The following CSMD2 variants were observed in gnomAD, a reference collection of about 807,000 sequenced individuals.
CSMD2 encodes the protein CUB and sushi domain-containing protein 2.
A neutral mutation model predicts 398.5 loss-of-function variants in CSMD2; 130 were observed. The ratio of observed to expected loss-of-function variants is 0.33; its 90% CI spans 0.28 to 0.38. The LOEUF is 0.38. Ranked by LOEUF, CSMD2 falls within the 10% of genes least tolerant of loss-of-function variation. CSMD2 has a pLI of 1.00. For synonymous variants in CSMD2, 1,828 were observed against 1,908.5 expected (o/e 0.96, Z 1.10); for missense variants, 3,829 against 4,764.9 (o/e 0.80, Z 5.78).
At position 33,572,635 on chromosome 1, in the gene CSMD2, A is replaced by G. The variant is rs1217109602; in HGVS notation, c.7633T>C (p.Tyr2545His). The stretch of plus-strand genomic sequence containing the variant: ...TACATGGCCTTGGTTCCCACTGTGT[A>G]CTCCTTGCCAAACACCATTCCATTC... Reference protein sequence around the residue: ...PKNGMVFGKEYTVGTKAMYSC... With the variant: ...PKNGMVFGKEHTVGTKAMYSC... Residue 2545 changes from tyrosine (Y) to histidine (H), a missense_variant, in exon 50 of 71, where the codon TAC (tyrosine) becomes CAC (histidine). By Grantham distance (83) the Tyr-to-His change is moderately conservative. Around this residue, in one of 5 missense-constraint regions of CSMD2, gnomAD observed 723 missense variants for 758.6 expected, o/e 0.95. Transcript: ENST00000373381. The G allele has an allele frequency of 6.2e-7, 1 of 1,613,784 alleles. No homozygotes were observed. Among genetic ancestry groups the G allele is most frequent in the Non-Finnish European group, 8.5e-7 (1 of 1,179,904 alleles).
In CSMD2 at chr1:33,743,343, C is replaced by A. The variant is rs759408645; in HGVS notation, c.2110G>T (p.Ala704Ser). Residue 704 changes from alanine to serine, a missense_variant, in exon 14 of 71, where the codon GCC becomes TCC. Ala to Ser is a moderately conservative substitution (Grantham distance 99). Around this residue, in one of 5 missense-constraint regions of CSMD2, gnomAD observed 2,001 missense variants for 2,567.1 expected, o/e 0.78. Transcript: ENST00000373381. ...TGGTCAGTCTGGAACTCGAGACGGG[C>A]CACGTGGCCACTGCTTGTGATGGAG... The part of the protein sequence containing the change: ...PSSITSSGHV[A>S]RLEFQTDHST... 4.3e-6 allele frequency: 7 copies of A among 1,614,100 alleles called. No homozygotes were observed. In the Admixed American group the frequency reaches 1.0e-4, roughly 23 times the overall value.
At chr1:33,692,012 C>T (rs945573547) in intron 25 of CSMD2, among the ~76,000 whole-genome samples, 6 of 152,180 alleles carry the variant, frequency 3.9e-5, no homozygotes, top group African/African-American at 1.4e-4. Context: ...GACCTGGGTT[C>T]GGATCTCAGA....
At chr1:33,967,033 C>T (rs573636848) in intron 3 of CSMD2, among the ~76,000 whole-genome samples, 15 of 152,138 alleles carry the variant, frequency 9.9e-5, no homozygotes, top group Admixed American at 2.6e-4. Flanking sequence ...TTAATAGGGG[C>T]GTGGTATTAT....
chr1:33,541,239 T>G lies in CSMD2; in HGVS notation c.9348A>C (p.Lys3116Asn). ...LRLGNDFRYNKTVTYQCVPGY... is the reference protein window; with the variant it reads ...LRLGNDFRYNNTVTYQCVPGY... ...CAGGGACACACTGATATGTCACAGT[T>G]TTGTTGTACCTGAAGTCATTGCCCA... The change falls in exon 59 of 71, where the codon AAA (lysine) becomes AAC (asparagine). Residue 3116 changes from lysine to asparagine, a missense_variant. Around this residue, in one of 5 missense-constraint regions of CSMD2, gnomAD observed 917 missense variants for 1,199.5 expected, o/e 0.76. Transcript: ENST00000373381. 1 of 1,614,108 alleles carries G rather than the reference T, an allele frequency of 6.2e-7. No individual in the cohort carries two copies. The highest frequency in any genetic ancestry group is 8.5e-7 in the Non-Finnish European group (1 of 1,179,992).
intron 12 of CSMD2, among the ~76,000 whole-genome samples, chr1:33,787,437 G>C (rs762175782): frequency 1.3e-5 from 2 of 152,144 alleles, no homozygotes; most frequent in Non-Finnish European, 2.9e-5. Flanking sequence ...TGTCTCCCTA[G>C]TAGCCACCTA....
Position 34,144,429 on chromosome 1 carries a change from GC to G in CSMD2, c.187+20481del, listed in dbSNP as rs139223125. Among the ~76,000 whole-genome samples the G allele has an allele frequency of 3.9e-3, 593 of 152,232 alleles. 2 individuals carry two copies. The highest frequency in any genetic ancestry group is 0.013 in the African/African-American group (550 of 41,536). ...GGAGGAAGAGTGACTTGTCCAAAGG[GC>G]ATTTGTGGGGAAATAACTTGGCATA... On this transcript the variant is annotated intron_variant, in intron 1 of 70. Transcript: ENST00000373381.
chr1:33,934,118 C>T (rs191953445), intron 4 of CSMD2, among the ~76,000 whole-genome samples: 1 of 152,224 alleles, frequency 6.6e-6, no homozygotes, highest in African/African-American at 2.4e-5. Flanking sequence ...GTTGCTTATC[C>T]CTGGAGCTAG....
intron 2 of CSMD2, among the ~76,000 whole-genome samples, chr1:34,077,532 C>T (rs377587171): frequency 1.4e-5 from 2 of 144,932 alleles, no homozygotes; most frequent in Non-Finnish European, 3.0e-5. Context: ...GTCAAGAGAT[C>T]GAGACCATCC....
rs1462183519 is a variant in CSMD2 at position 33,571,608 on chromosome 1, G to A, written c.7881C>T (p.Tyr2627=). 2 of 1,591,196 alleles carry A rather than the reference G, an allele frequency of 1.3e-6. No individual in the cohort carries two copies. The highest frequency in any genetic ancestry group is 1.2e-5 in the South Asian group (1 of 86,596). ...AGCGGATGACCCTTTGGCCAGTATA[G>A]TAGTAGCCAGGGTCACAGATGAGCA... The part of the protein sequence containing the change: ...QLMLICDPGY[Y]YTGQRVIRCQ... The change falls in exon 51 of 71, where the codon TAC becomes TAT. Residue 2627 remains tyrosine (Y), a synonymous_variant. Transcript: ENST00000373381.
chr1:33,806,629 ATGTT>A (rs1339015027), intron 10 of CSMD2, among the ~76,000 whole-genome samples: 1 of 152,250 alleles, frequency 6.6e-6, no homozygotes, highest in Non-Finnish European at 1.5e-5. Flanking sequence ...TAAAATAAGT[ATGTT>A]TAATTATGGA....
At chr1:33,926,779 A>G (rs1486866206) in intron 4 of CSMD2, among the ~76,000 whole-genome samples, 1 of 152,242 alleles carries the variant, frequency 6.6e-6, no homozygotes, top group Non-Finnish European at 1.5e-5. Context: ...TTGCCTTTCC[A>G]AGTTTATGAC....
chr1:33,902,782 C>T (rs978308905), intron 5 of CSMD2, among the ~76,000 whole-genome samples: 1 of 152,140 alleles, frequency 6.6e-6, no homozygotes, highest in African/African-American at 2.4e-5. Context: ...TAAGAGGGGT[C>T]CCTGGCGGTC....
In CSMD2 at chr1:33,661,724, C is replaced by T. The variant is rs143752863; in HGVS notation, c.4255+1166G>A. 1.1e-4 allele frequency among the ~76,000 whole-genome samples: 17 copies of T among 152,320 alleles called. No homozygotes were observed. In the East Asian group the frequency reaches 2.3e-3, roughly 21 times the overall value. On this transcript the variant is annotated intron_variant, in intron 26 of 70. Transcript: ENST00000373381. Reference sequence around the variant, plus strand: ...CCTGGAGACTCTCATCTGCTCCCCACGCTGCTAAATGCTTATTTCCACAGA... The same window carrying T: ...CCTGGAGACTCTCATCTGCTCCCCATGCTGCTAAATGCTTATTTCCACAGA...
chr1:33,568,273 C>T (rs1659256269), intron 52 of CSMD2, among the ~76,000 whole-genome samples: 1 of 150,370 alleles, frequency 6.7e-6, no homozygotes. Context: ...CTGCAATGTC[C>T]ACCTCCTAGG....
chr1:33,875,768 G>C (rs531950922), intron 5 of CSMD2, among the ~76,000 whole-genome samples: 1 of 152,270 alleles, frequency 6.6e-6, no homozygotes, highest in East Asian at 1.9e-4. Context: ...AGTTGTAATT[G>C]GTAAAGAAGC....
intron 3 of CSMD2, among the ~76,000 whole-genome samples, chr1:33,989,438 C>G (rs1281498709): frequency 5.3e-5 from 8 of 152,106 alleles, no homozygotes. Flanking sequence ...TGTAAACATA[C>G]ACTTACCACA....
chr1:34,106,040 T>A (rs1660491597), intron 1 of CSMD2, among the ~76,000 whole-genome samples: 1 of 152,098 alleles, frequency 6.6e-6, no homozygotes. Context: ...AGTCAGCAAA[T>A]CTGGGGAATG....
chr1:34,138,849 C>T (rs918520585), intron 1 of CSMD2, among the ~76,000 whole-genome samples: 1 of 152,172 alleles, frequency 6.6e-6, no homozygotes, highest in Admixed American at 6.5e-5. Flanking sequence ...CATACACATT[C>T]ATATATAACC....
At position 33,673,776 on chromosome 1, in the gene CSMD2, T is replaced by C. The variant is rs577090003; in HGVS notation, c.4053-10684A>G. Among the ~76,000 whole-genome samples, 24 of 152,306 alleles carry C rather than the reference T, an allele frequency of 1.6e-4. No individual in the cohort carries two copies. The East Asian group carries it at 3.5e-3, about 22-fold the overall frequency. On this transcript the variant is annotated intron_variant, in intron 25 of 70. Coordinates refer to ENST00000373381, the MANE Select transcript of CSMD2 (RefSeq NM_001281956.2). ...ACAGCTGACCTCTCGGCAGAAACTCTGCAAGCCAGAAGAGAGTGGGGACCA... is the reference window on the plus strand; with the variant it reads ...ACAGCTGACCTCTCGGCAGAAACTCCGCAAGCCAGAAGAGAGTGGGGACCA...
Sources: allele counts gnomAD v4.1 joint callset (sites outside exome capture counted in the v4.1 genomes callset), GRCh38; gene constraint gnomAD v4.1.1; regional missense constraint gnomAD v4.1.1; transcripts MANE v1.5; gene names NCBI Gene and HGNC (gene_info 2026-07-23, HGNC 2026-07-21).